Variants in FHIT observed in about 807,000 individuals in gnomAD.
The protein encoded by FHIT is bis(5'-adenosyl)-triphosphatase.
Under a neutral mutation model 17.9 loss-of-function variants are expected in FHIT, and 19 were observed. That is an observed-to-expected ratio of 1.06 (90% CI 0.74 to 1.56). The LOEUF is 1.56. Among genes scored for constraint, FHIT ranks in the 40% most tolerant of loss-of-function variants. The pLI, the probability that FHIT is intolerant of heterozygous loss-of-function variation, is 0.00. For missense variants in FHIT, 248 were observed against 189.2 expected (o/e 1.31, Z -1.82); for synonymous variants, 81 against 69.7 (o/e 1.16, Z -0.81).
chr3:59,804,399 G>C (rs1410050942), intron 8 of FHIT, among the ~76,000 whole-genome samples: 2 of 152,236 alleles, frequency 1.3e-5, no homozygotes, highest in African/African-American at 4.8e-5. Flanking sequence ...GCTGTTACTG[G>C]TAGAGGGTGC....
At chr3:61,139,650 A>G (rs1183491938) in intron 2 of FHIT, among the ~76,000 whole-genome samples, 1 of 152,200 alleles carries the variant, frequency 6.6e-6, no homozygotes, top group Admixed American at 6.5e-5. Flanking sequence ...ATGAATTTGA[A>G]TAGCAGAGTA....
At chr3:60,186,159 C>T (rs73831981) in intron 5 of FHIT, among the ~76,000 whole-genome samples, 1,688 of 151,924 alleles carry the variant, frequency 0.011, 31 homozygotes, top group African/African-American at 0.039. Flanking sequence ...GTGTAACTTA[C>T]GATTTTTTTC....
At chr3:59,799,089 C>T (rs996731334) in intron 8 of FHIT, among the ~76,000 whole-genome samples, 4 of 127,102 alleles carry the variant, frequency 3.1e-5, no homozygotes, top group African/African-American at 1.2e-4. Context: ...TCTAGAAACA[C>T]TAGGAAATCT....
At chr3:60,078,863 G>A (rs1205306725) in intron 5 of FHIT, among the ~76,000 whole-genome samples, 4 of 151,858 alleles carry the variant, frequency 2.6e-5, no homozygotes, top group African/African-American at 9.7e-5. Flanking sequence ...GGGGATCTGA[G>A]GGAGGAGGGT....
intron 5 of FHIT, among the ~76,000 whole-genome samples, chr3:60,513,796 T>G (rs1032019205): frequency 2.0e-5 from 3 of 152,188 alleles, no homozygotes; most frequent in Non-Finnish European, 2.9e-5. Flanking sequence ...TGCTTGTTTT[T>G]GTGCCCAGAT....
At chr3:60,581,935 G>T (rs2037760432) in intron 4 of FHIT, among the ~76,000 whole-genome samples, 1 of 151,962 alleles carries the variant, frequency 6.6e-6, no homozygotes, top group East Asian at 1.9e-4. Context: ...ATATAAGCAG[G>T]TGACAGTGGA....
At chr3:60,438,330 A>G (rs2030465332) in intron 5 of FHIT, among the ~76,000 whole-genome samples, 1 of 151,924 alleles carries the variant, frequency 6.6e-6, no homozygotes. Context: ...CAGCTACTGC[A>G]CATGTGCGTC....
At chr3:60,106,021 G>T (rs1027368807) in intron 5 of FHIT, among the ~76,000 whole-genome samples, 1 of 152,148 alleles carries the variant, frequency 6.6e-6, no homozygotes. Context: ...AAGCAGTTCT[G>T]AGTAGTGTGA....
At chr3:60,074,664 G>GA (rs66994374) in intron 5 of FHIT, among the ~76,000 whole-genome samples, 90,407 of 150,276 alleles carry the variant, frequency 0.6, 28,020 homozygotes, top group Non-Finnish European at 0.68. Context: ...TTCCAAAGGG[G>GA]AAAAAAAAAC....
intron 5 of FHIT, among the ~76,000 whole-genome samples, chr3:60,382,689 GT>G (rs887519852): frequency 2.0e-5 from 3 of 152,048 alleles, no homozygotes; most frequent in Non-Finnish European, 4.4e-5. Flanking sequence ...CTAATCAGAG[GT>G]TTTTTTACCC....
At chr3:60,034,205 G>T (rs1475613052) in intron 5 of FHIT, among the ~76,000 whole-genome samples, 2 of 152,202 alleles carry the variant, frequency 1.3e-5, no homozygotes, top group African/African-American at 4.8e-5. Context: ...AAGGTGAATG[G>T]CTTTGCTAGT....
At chr3:61,232,801 A>G (rs917329339) in intron 1 of FHIT, among the ~76,000 whole-genome samples, 3 of 152,218 alleles carry the variant, frequency 2.0e-5, no homozygotes, top group African/African-American at 7.2e-5. Flanking sequence ...GAAAAGACAC[A>G]GGCTTCAAAT....
At chr3:60,238,672 G>A (rs950524333) in intron 5 of FHIT, among the ~76,000 whole-genome samples, 1 of 152,088 alleles carries the variant, frequency 6.6e-6, no homozygotes, top group African/African-American at 2.4e-5. Context: ...TAGTGTAGTT[G>A]CACTCTTCCT....
intron 1 of FHIT, among the ~76,000 whole-genome samples, chr3:61,208,961 T>C (rs1162666418): frequency 1.3e-5 from 2 of 152,058 alleles, no homozygotes; most frequent in African/African-American, 4.8e-5. Flanking sequence ...GTACTGGTTG[T>C]TCCTTTCCAT....
intron 4 of FHIT, among the ~76,000 whole-genome samples, chr3:60,683,609 G>A (rs80214840): frequency 0.01 from 1,524 of 152,154 alleles, 30 homozygotes; most frequent in African/African-American, 0.035. Context: ...AAACAAAAAA[G>A]TTTGTGTGCC....
intron 5 of FHIT, among the ~76,000 whole-genome samples, chr3:60,377,513 C>T (rs1157801673): frequency 6.8e-5 from 8 of 118,240 alleles, no homozygotes; most frequent in Non-Finnish European, 1.2e-4. Context: ...CTCGCTCTGT[C>T]GCCCAGGCCG....
chr3:60,732,173 T>C, intron 4 of FHIT: 2 of 785,214 alleles, frequency 2.5e-6, no homozygotes, highest in East Asian at 2.6e-5. Context: ...TCAGCAATGG[T>C]GATCTTCTTG....
intron 4 of FHIT, among the ~76,000 whole-genome samples, chr3:60,715,206 TG>T (rs1446823595): frequency 3.9e-5 from 6 of 152,102 alleles, no homozygotes; most frequent in Admixed American, 3.9e-4. Flanking sequence ...ATTTAATAAA[TG>T]GTGCTGGGAA....
chr3:60,768,947 G>C (rs144727441), intron 4 of FHIT, among the ~76,000 whole-genome samples: 2 of 152,174 alleles, frequency 1.3e-5, no homozygotes, highest in East Asian at 3.9e-4. Context: ...AGATGAAAAT[G>C]TATACTTCTT....
Sources: gnomAD v4.1 joint callset for allele counts (sites outside exome capture counted in the v4.1 genomes callset) on GRCh38, gnomAD v4.1.1 for gene constraint, MANE v1.5 for transcripts, NCBI Gene and HGNC (gene_info 2026-07-23, HGNC 2026-07-21) for gene names.